Variants in ITSN1 observed in about 807,000 individuals in gnomAD.
ITSN1 encodes intersectin 1, also known as intersectin-1.
In ITSN1, 58 loss-of-function variants were observed where a neutral mutation model predicts 239.8. The observed-to-expected ratio is 0.24, with a 90% CI of 0.20 to 0.30. The LOEUF is 0.30. Ranked by LOEUF, ITSN1 falls within the 10% of genes least tolerant of loss-of-function variation. The pLI, the probability that ITSN1 is intolerant of heterozygous loss-of-function variation, is 1.00. For missense variants in ITSN1, 1,558 were observed against 2,103.3 expected (o/e 0.74, Z 5.07); for synonymous variants, 780 against 770.8 (o/e 1.01, Z -0.20).
Position 33,732,469 on chromosome 21 carries a change from A to G in ITSN1, c.186-2575A>G, listed in dbSNP as rs114489496. On this transcript the variant is annotated intron_variant, in intron 4 of 39. Coordinates refer to ENST00000381318, the MANE Select transcript of ITSN1 (RefSeq NM_003024.3). ...TTTTCAGTTTACATTACTTTCCAGA[A>G]ATCACTACCAACTGTCATTCTAAAC... 3.7e-3 allele frequency among the ~76,000 whole-genome samples: 558 copies of G among 152,278 alleles called. 2 individuals carry two copies. The highest frequency in any genetic ancestry group is 0.013 in the African/African-American group (528 of 41,552).
At chr21:33,743,808 G>A (rs1425629413) in intron 5 of ITSN1, among the ~76,000 whole-genome samples, 1 of 152,214 alleles carries the variant, frequency 6.6e-6, no homozygotes, top group South Asian at 2.1e-4. Flanking sequence ...TTTTTCAACA[G>A]CAGTGCTTTC....
At chr21:33,792,316 T>C (rs542520878) in intron 16 of ITSN1, among the ~76,000 whole-genome samples, 1 of 152,318 alleles carries the variant, frequency 6.6e-6, no homozygotes, top group African/African-American at 2.4e-5. Flanking sequence ...GCCATTCTCC[T>C]GCCTCAGCCT....
intron 2 of ITSN1, among the ~76,000 whole-genome samples, chr21:33,719,695 G>A (rs759512007): frequency 1.8e-4 from 27 of 152,012 alleles, no homozygotes; most frequent in Non-Finnish European, 3.2e-4. Context: ...AAGTGATGGG[G>A]TCATTTACAC....
intron 1 of ITSN1, among the ~76,000 whole-genome samples, chr21:33,670,885 T>C (rs770168215): frequency 1.8e-4 from 28 of 152,370 alleles, no homozygotes; most frequent in Non-Finnish European, 3.2e-4. Flanking sequence ...GGGCATTAGA[T>C]GTAATGACAT....
chr21:33,798,672 A>C (rs935746142), intron 18 of ITSN1, among the ~76,000 whole-genome samples: 3 of 152,126 alleles, frequency 2.0e-5, no homozygotes, highest in African/African-American at 7.2e-5. Context: ...AGTATACAGA[A>C]AGAAAAGAAA....
chr21:33,850,643 A>G (rs1285198317), intron 29 of ITSN1, among the ~76,000 whole-genome samples: 3 of 152,222 alleles, frequency 2.0e-5, no homozygotes, highest in Non-Finnish European at 4.4e-5. Flanking sequence ...GCTGCTTCAC[A>G]GCAGGAGTAC....
chr21:33,671,475 G>A (rs968122402), intron 1 of ITSN1, among the ~76,000 whole-genome samples: 2 of 151,858 alleles, frequency 1.3e-5, no homozygotes, highest in African/African-American at 4.8e-5. Flanking sequence ...TAGTAGACAC[G>A]GGTTTCACCG....
At chr21:33,690,807 ATATATATG>A (rs1479133724) in intron 1 of ITSN1, among the ~76,000 whole-genome samples, 365 of 20,436 alleles carry the variant, frequency 0.018, 90 homozygotes, top group Middle Eastern at 0.05. Context: ...ATATATATAT[ATATATATG>A]TATATATATA....
At chr21:33,866,466 G>C (rs539784622) in intron 32 of ITSN1, among the ~76,000 whole-genome samples, 10 of 151,884 alleles carry the variant, frequency 6.6e-5, no homozygotes, top group African/African-American at 2.4e-4. Context: ...CACCAGCCCA[G>C]AGCAGGGGCC....
intron 4 of ITSN1, among the ~76,000 whole-genome samples, chr21:33,730,388 CTTT>C (rs71194863): frequency 9.8e-3 from 482 of 49,184 alleles, no homozygotes; most frequent in African/African-American, 0.036. Context: ...GCTCTCTGTT[CTTT>C]TTTTTTTTTT....
At chr21:33,653,087 C>G (rs1018783691) in intron 1 of ITSN1, among the ~76,000 whole-genome samples, 4 of 151,874 alleles carry the variant, frequency 2.6e-5, no homozygotes, top group Non-Finnish European at 4.4e-5. Flanking sequence ...CTCTGCCTCC[C>G]GGGTTCAAGT....
At position 33,884,977 on chromosome 21, in the gene ITSN1, G is replaced by T; in HGVS notation, c.4677-64G>T. ...AAACAGAGTCCTGGCAACAGTGTTT[G>T]AACAGACCTGAAGCCTTTTTCCTGA... is the stretch of plus-strand genomic sequence containing the variant. On this transcript the variant is annotated intron_variant, in intron 36 of 39. Coordinates refer to ENST00000381318, the MANE Select transcript of ITSN1 (RefSeq NM_003024.3). 3.3e-6 allele frequency: 4 copies of T among 1,194,794 alleles called. No homozygotes were observed. The South Asian group carries it at 4.9e-5, about 15-fold the overall frequency. 74.0% of individuals were successfully genotyped at this position (1,194,794 alleles called of 1,614,324 possible).
intron 27 of ITSN1, among the ~76,000 whole-genome samples, chr21:33,833,254 T>C: frequency 6.6e-6 from 1 of 152,160 alleles, no homozygotes; most frequent in East Asian, 1.9e-4. Flanking sequence ...AAATGAGTCT[T>C]GTGTTGAATC....
At chr21:33,819,204 A>G (rs752805103) in intron 23 of ITSN1, 37 bp from the exon 24 acceptor site, 28 of 1,498,892 alleles carry the variant, frequency 1.9e-5, no homozygotes, top group Non-Finnish European at 2.4e-5. Flanking sequence ...TTCTTTGAAG[A>G]TAAAAATTAA....
In ITSN1 at chr21:33,735,027, A is replaced by T; in HGVS notation, c.186-17A>T. On this transcript the variant is annotated splice_polypyrimidine_tract_variant and intron_variant, in intron 4 of 39. Coordinates refer to ENST00000381318, the MANE Select transcript of ITSN1 (RefSeq NM_003024.3). The stretch of plus-strand genomic sequence containing the variant: ...TTATGGTCACAGTTGTTCTCAGGCC[A>T]TGCTGTTGGTTTGCAGGGCACTAGC... 6.2e-7 allele frequency: 1 copy of T among 1,600,792 alleles called. No homozygotes were observed. The highest frequency in any genetic ancestry group is 8.5e-7 in the Non-Finnish European group (1 of 1,174,210).
rs759945221 is a variant in ITSN1, at chr21:33,865,120, C to T, written c.3891-31C>T. 3.8e-6 allele frequency: 6 copies of T among 1,592,978 alleles called. No homozygotes were observed. The highest frequency in any genetic ancestry group is 5.1e-6 in the Non-Finnish European group (6 of 1,167,600). On this transcript the variant is annotated intron_variant, in intron 31 of 39. Transcript: ENST00000381318. This position sits in a 1 kb window ranked among gnomAD's most constrained non-coding sequence, Gnocchi z 4.4. Reference sequence around the variant, plus strand: ...GTGGTGCTGTCAGATAGCGTGAAAGCAGGGGGCTCACCTCCCGTGTTTCCG... The same window carrying T: ...GTGGTGCTGTCAGATAGCGTGAAAGTAGGGGGCTCACCTCCCGTGTTTCCG...
intron 29 of ITSN1, among the ~76,000 whole-genome samples, chr21:33,849,997 C>G (rs1029545171): frequency 1.3e-5 from 2 of 152,154 alleles, no homozygotes; most frequent in African/African-American, 4.8e-5. Flanking sequence ...CTGGAATGAG[C>G]TGAAGCATAC....
intron 1 of ITSN1, among the ~76,000 whole-genome samples, chr21:33,691,864 C>T (rs1441213341): frequency 6.6e-6 from 1 of 152,196 alleles, no homozygotes; most frequent in African/African-American, 2.4e-5. Context: ...AATTACCTCC[C>T]AAAGGCTCGC....
intron 29 of ITSN1, among the ~76,000 whole-genome samples, chr21:33,843,365 A>T (rs2074889347): frequency 6.6e-6 from 1 of 152,138 alleles, no homozygotes; most frequent in Admixed American, 6.5e-5. Context: ...AGCCATTGGT[A>T]AGGATTCCAA....
Sources: gnomAD v4.1 joint callset for allele counts (sites outside exome capture counted in the v4.1 genomes callset) on GRCh38, gnomAD v4.1.1 for gene constraint, Gnocchi (gnomAD v3.1) non-coding constraint, MANE v1.5 for transcripts, NCBI Gene and HGNC (gene_info 2026-07-23, HGNC 2026-07-21) for gene names.